Variants in KDR observed in about 807,000 individuals in gnomAD.
KDR encodes kinase insert domain receptor, also known as vascular endothelial growth factor receptor 2.
A neutral mutation model predicts 160.9 loss-of-function variants in KDR; 43 were observed. The ratio of observed to expected loss-of-function variants is 0.27; its 90% CI spans 0.21 to 0.34. The LOEUF (loss-of-function observed/expected upper bound fraction) is 0.34, where lower values mean the gene tolerates loss of function less well. Among genes scored for constraint, KDR ranks in the 10% least tolerant of loss-of-function variants. The pLI is 1.00. For synonymous variants in KDR, 617 were observed against 600.1 expected (o/e 1.03, Z -0.41); for missense variants, 1,469 against 1,666.4 (o/e 0.88, Z 2.06).
chr4:55,095,450 C>A, intron 20 of KDR, 127 bp downstream of exon 20: 1 of 723,424 alleles, frequency 1.4e-6, no homozygotes. Flanking sequence ...TTACAACAGC[C>A]AAGAGGTAAT....
chr4:55,101,866 T>C (rs748568011), intron 15 of KDR, 31 bp downstream of exon 15: 3 of 1,578,900 alleles, frequency 1.9e-6, no homozygotes, highest in Non-Finnish European at 2.6e-6. Context: ...CCATGGTGTA[T>C]ATGTACCACA....
chr4:55,098,037 A>C (rs1720205624), intron 17 of KDR, 100 bp downstream of exon 17: 3 of 1,460,900 alleles, frequency 2.1e-6, no homozygotes, highest in Non-Finnish European at 2.9e-6. Context: ...TTTCTAAACC[A>C]GAATCCAACA....
At chr4:55,123,142 A>C (rs932801243) in intron 1 of KDR, among the ~76,000 whole-genome samples, 2 of 152,210 alleles carry the variant, frequency 1.3e-5, no homozygotes, top group Non-Finnish European at 2.9e-5. Flanking sequence ...AAATGTTTAA[A>C]AGCAAAATGA....
rs1038690399 is a variant in KDR, at chr4:55,125,455, A to G, written c.-162T>C. 26 of 812,106 alleles carry G rather than the reference A, an allele frequency of 3.2e-5. No individual in the cohort carries two copies. The African/African-American group carries it at 3.6e-4, about 11-fold the overall frequency. 50.3% of individuals were successfully genotyped at this position (812,106 alleles called of 1,614,324 possible). On this transcript the variant is annotated 5_prime_UTR_variant, in exon 1 of 30. Coordinates refer to ENST00000263923, the MANE Select transcript of KDR (RefSeq NM_002253.4). ...GAGCCCGGGCGCCGACCGCGGCTGC[A>G]GGGGCGTCTGCGGGTGCCGGTAGGA...
rs1719959466 is a variant in KDR, at chr4:55,089,739, T to C, written c.3256A>G (p.Ser1086Gly). The change falls in exon 24 of 30, where the codon AGT (serine) becomes GGT (glycine). Residue 1086 changes from serine to glycine, a missense_variant. Around this residue, in one of 7 missense-constraint regions of KDR, gnomAD observed 132 missense variants for 195.9 expected, o/e 0.67. Transcript: ENST00000263923. ...TIFDRVYTIQ[S>G]DVWSFGVLLW... ...AAAACACCAAAAGACCAGACGTCAC[T>C]CTGGATTGTGTACACTCTGTCAAAA... is the stretch of plus-strand genomic sequence containing the variant. 2 of 1,613,958 alleles carry C rather than the reference T, an allele frequency of 1.2e-6. No homozygotes were observed. Among genetic ancestry groups the C allele is most frequent in the African/African-American group, 1.3e-5 (1 of 74,884 alleles).
chr4:55,119,052 T>C (rs1449877824), intron 2 of KDR, among the ~76,000 whole-genome samples: 4 of 151,876 alleles, frequency 2.6e-5, no homozygotes, highest in Non-Finnish European at 5.9e-5. Flanking sequence ...CTACTAAAAA[T>C]ACAAAAATGA....
chr4:55,117,177 A>G (rs1720758124), intron 3 of KDR, among the ~76,000 whole-genome samples: 1 of 152,226 alleles, frequency 6.6e-6, no homozygotes, highest in South Asian at 2.1e-4. Flanking sequence ...AAAAAAGGAA[A>G]TAAACAAAAG....
chr4:55,125,518 C>T lies in KDR; in HGVS notation c.-225G>A. ...GCTGCCAGACGGACTTTCTGCGGCG[C>T]GCAAGTGATGCCCGGCGCAGGCAGA... On this transcript the variant is annotated 5_prime_UTR_variant, in exon 1 of 30. Coordinates refer to ENST00000263923, the MANE Select transcript of KDR (RefSeq NM_002253.4). 1 of 608,320 alleles carries T rather than the reference C, an allele frequency of 1.6e-6. No individual in the cohort carries two copies. The highest frequency in any genetic ancestry group is 2.9e-6 in the Non-Finnish European group (1 of 342,958). 37.7% of individuals were successfully genotyped at this position (608,320 alleles called of 1,614,324 possible). A position where few individuals can be genotyped will look rare whatever the true frequency, so the allele number is the denominator to read the frequency against.
rs1719894651 is a variant in KDR at position 55,087,596 on chromosome 4, A to G, written c.3662+11T>C. ...ACCCTCCCCCGGGGGATGTTAGGCC[A>G]TATACAGTACCTGATTCCTGCTGTG... On this transcript the variant is annotated intron_variant, in intron 27 of 29. Transcript: ENST00000263923. 6.2e-7 allele frequency: 1 copy of G among 1,613,882 alleles called. No individual in the cohort carries two copies. The highest frequency in any genetic ancestry group is 8.5e-7 in the Non-Finnish European group (1 of 1,179,798).
chr4:55,122,362 T>C (rs1243215263), intron 1 of KDR, among the ~76,000 whole-genome samples: 1 of 152,182 alleles, frequency 6.6e-6, no homozygotes, highest in Admixed American at 6.5e-5. Flanking sequence ...GTAATTGATG[T>C]TGGGCAGGCT....
chr4:55,098,594 T>C, intron 16 of KDR, 103 bp downstream of exon 16: 2 of 892,766 alleles, frequency 2.2e-6, no homozygotes, highest in Non-Finnish European at 3.7e-6. Flanking sequence ...AATGTGCCCA[T>C]TGAGCCAATA....
At position 55,115,359 on chromosome 4, in the gene KDR, G is replaced by A. The variant is rs540637434; in HGVS notation, c.411C>T (p.Tyr137=). Residue 137 remains tyrosine (Y), a synonymous_variant, in exon 4 of 30, where the codon TAC becomes TAT. Coordinates refer to ENST00000263923, the MANE Select transcript of KDR (RefSeq NM_002253.4). ...ASVSDQHGVV[Y]ITENKNKTVV... ...CAGTTTTGTTTTTGTTCTCAGTAAT[G>A]TACACGACTCCATGTTGGTCACTAA... 1.3e-6 allele frequency: 2 copies of A among 1,529,038 alleles called. No individual in the cohort carries two copies. Among genetic ancestry groups the A allele is most frequent in the Admixed American group, 1.7e-5 (1 of 59,770 alleles). 94.7% of individuals were successfully genotyped at this position (1,529,038 alleles called of 1,614,324 possible).
intron 9 of KDR, among the ~76,000 whole-genome samples, 195 bp downstream of exon 9, chr4:55,110,208 C>T (rs565781425): frequency 6.6e-6 from 1 of 152,300 alleles, no homozygotes; most frequent in African/African-American, 2.4e-5. Context: ...ATTTACACGG[C>T]CTCTTAAACA....
At chr4:55,102,924 G>A (rs942326494) in intron 13 of KDR, among the ~76,000 whole-genome samples, 1 of 152,090 alleles carries the variant, frequency 6.6e-6, no homozygotes, top group African/African-American at 2.4e-5. Context: ...ACATTTATTT[G>A]GCAATTCTTA....
At chr4:55,084,079 G>C (rs547130595) in intron 27 of KDR, among the ~76,000 whole-genome samples, 111 of 152,284 alleles carry the variant, frequency 7.3e-4, no homozygotes, top group African/African-American at 2.6e-3. Context: ...TACCTCTCTA[G>C]GGGTGAGTAT....
Position 55,099,163 on chromosome 4 carries a change from A to C in KDR, c.2267-360T>G, listed in dbSNP as rs181634248. On this transcript the variant is annotated intron_variant, in intron 15 of 29. Transcript: ENST00000263923. ...CCCGAGTAGCTGGGACTACAGGTGCATACCACCAAGCCCAGCTAATTTTTC... is the reference window on the plus strand; with the variant it reads ...CCCGAGTAGCTGGGACTACAGGTGCCTACCACCAAGCCCAGCTAATTTTTC... 3.3e-3 allele frequency among the ~76,000 whole-genome samples: 500 copies of C among 151,974 alleles called. 2 individuals carry two copies. The highest frequency in any genetic ancestry group is 0.012 in the African/African-American group (479 of 41,484).
chr4:55,086,519 C>CA (rs375316185), intron 27 of KDR, among the ~76,000 whole-genome samples: 83 of 150,858 alleles, frequency 5.5e-4, no homozygotes, highest in Non-Finnish European at 5.9e-4. Context: ...AATAATACAT[C>CA]AAAAAAAAAG....
At chr4:55,105,601 G>T (rs186106405) in intron 12 of KDR, among the ~76,000 whole-genome samples, 1 of 152,316 alleles carries the variant, frequency 6.6e-6, no homozygotes, top group Admixed American at 6.5e-5. Flanking sequence ...GTGGTTTAAA[G>T]CATCTGTGAA....
rs28633455 is a variant in KDR at position 55,087,213 on chromosome 4, A to T, written c.3662+394T>A. ...GAGAGCCATAAGCATGTTCTCATGC[A>T]AGCACAGAACTCTTCCTTTCTGAAT... On this transcript the variant is annotated intron_variant, in intron 27 of 29. Transcript: ENST00000263923. 3.9e-5 allele frequency among the ~76,000 whole-genome samples: 6 copies of T among 152,094 alleles called. No homozygotes were observed. The South Asian group carries it at 1.2e-3, about 32-fold the overall frequency.
Sources: allele counts gnomAD v4.1 joint callset (sites outside exome capture counted in the v4.1 genomes callset), GRCh38; gene constraint gnomAD v4.1.1; regional missense constraint gnomAD v4.1.1; transcripts MANE v1.5; gene names NCBI Gene and HGNC (gene_info 2026-07-23, HGNC 2026-07-21).